Variants in ARHGAP15 observed in about 807,000 individuals in gnomAD.
The protein encoded by ARHGAP15 is rho GTPase-activating protein 15.
Under a neutral mutation model 63.7 loss-of-function variants are expected in ARHGAP15, and 51 were observed. That is an observed-to-expected ratio of 0.80 (90% CI 0.64 to 1.01). ARHGAP15 has a LOEUF of 1.01. Among genes scored for constraint, ARHGAP15 ranks in the 50% least tolerant of loss-of-function variants. The pLI is 0.00. For missense variants in ARHGAP15, 560 were observed against 564.6 expected, an observed-to-expected ratio of 0.99 and a Z score of 0.08; for synonymous variants, 191 against 193.8, an observed-to-expected ratio of 0.99 and a Z score of 0.12.
chr2:143,459,688 A>C (rs1690833601), intron 8 of ARHGAP15, among the ~76,000 whole-genome samples: 1 of 152,220 alleles, frequency 6.6e-6, no homozygotes, highest in Non-Finnish European at 1.5e-5. Flanking sequence ...AGTTCTTAAA[A>C]TCCATTCAAA....
intron 13 of ARHGAP15, among the ~76,000 whole-genome samples, chr2:143,747,422 T>C (rs1686211992): frequency 6.6e-6 from 1 of 152,208 alleles, no homozygotes; most frequent in Non-Finnish European, 1.5e-5. Context: ...CTTCACTCTT[T>C]ACACTGTACA....
At chr2:143,441,600 C>G (rs1177845471) in intron 8 of ARHGAP15, among the ~76,000 whole-genome samples, 3 of 152,106 alleles carry the variant, frequency 2.0e-5, no homozygotes, top group Admixed American at 2.0e-4. Flanking sequence ...TAAAAAATAA[C>G]TTTTGTATGT....
intron 1 of ARHGAP15, among the ~76,000 whole-genome samples, chr2:143,147,206 AG>A (rs1689626922): frequency 6.6e-6 from 1 of 152,068 alleles, no homozygotes; most frequent in Non-Finnish European, 1.5e-5. Context: ...TGTCCCAGTG[AG>A]GGTCTGAGAC....
At chr2:143,720,311 A>C (rs1291152822) in intron 13 of ARHGAP15, among the ~76,000 whole-genome samples, 1 of 152,208 alleles carries the variant, frequency 6.6e-6, no homozygotes, top group Non-Finnish European at 1.5e-5. Context: ...AGGTAGGCTG[A>C]ATGTAATTAC....
At chr2:143,187,829 C>T (rs1691509123) in intron 2 of ARHGAP15, among the ~76,000 whole-genome samples, 1 of 152,064 alleles carries the variant, frequency 6.6e-6, no homozygotes, top group Non-Finnish European at 1.5e-5. Context: ...GGGAGAATAG[C>T]CTGGTCCCTT....
intron 6 of ARHGAP15, among the ~76,000 whole-genome samples, chr2:143,408,887 A>G (rs1688325909): frequency 6.6e-6 from 1 of 151,924 alleles, no homozygotes; most frequent in African/African-American, 2.4e-5. Flanking sequence ...GATAGCTTAA[A>G]TTAATTCCCT....
chr2:143,165,092 G>A (rs1476702488), intron 2 of ARHGAP15, among the ~76,000 whole-genome samples: 2 of 151,960 alleles, frequency 1.3e-5, no homozygotes, highest in Non-Finnish European at 2.9e-5. Context: ...CCCTTACGAG[G>A]TGATTTCAAT....
chr2:143,626,164 CA>C (rs1267175492), intron 12 of ARHGAP15, among the ~76,000 whole-genome samples: 31 of 152,200 alleles, frequency 2.0e-4, no homozygotes, highest in African/African-American at 7.2e-4. Flanking sequence ...ATGGCTCTTG[CA>C]AGGGTTTCTG....
At chr2:143,354,613 C>T (rs1366961408) in intron 6 of ARHGAP15, among the ~76,000 whole-genome samples, 1 of 152,032 alleles carries the variant, frequency 6.6e-6, no homozygotes, top group East Asian at 1.9e-4. Context: ...TTAAGAAAAG[C>T]ATTTTAGCTC....
At chr2:143,286,781 G>A (rs922477219) in intron 6 of ARHGAP15, among the ~76,000 whole-genome samples, 2 of 152,094 alleles carry the variant, frequency 1.3e-5, no homozygotes, top group African/African-American at 4.8e-5. Flanking sequence ...TGCATAATTA[G>A]GCAATTTCTT....
chr2:143,538,561 C>G (rs1411855507), intron 10 of ARHGAP15, among the ~76,000 whole-genome samples: 1 of 152,112 alleles, frequency 6.6e-6, no homozygotes, highest in Non-Finnish European at 1.5e-5. Context: ...CCCATCAATA[C>G]CTAATTTATT....
chr2:143,267,782 G>A (rs527317175), intron 6 of ARHGAP15, among the ~76,000 whole-genome samples: 1 of 152,254 alleles, frequency 6.6e-6, no homozygotes, highest in South Asian at 2.1e-4. Context: ...ATGCTCTGCT[G>A]AGAAGATATG....
At chr2:143,596,715 A>C (rs1697531328) in intron 11 of ARHGAP15, among the ~76,000 whole-genome samples, 2 of 152,150 alleles carry the variant, frequency 1.3e-5, no homozygotes, top group Non-Finnish European at 2.9e-5. Flanking sequence ...TCAGTGCTTT[A>C]GAATAGTCTA....
intron 8 of ARHGAP15, among the ~76,000 whole-genome samples, chr2:143,440,889 G>T (rs1574454407): frequency 6.6e-6 from 1 of 152,124 alleles, no homozygotes; most frequent in Non-Finnish European, 1.5e-5. Flanking sequence ...TCTGAGGAAA[G>T]AGAATTGTCT....
chr2:143,705,256 A>C (rs895111832), intron 13 of ARHGAP15, among the ~76,000 whole-genome samples: 1 of 152,154 alleles, frequency 6.6e-6, no homozygotes, highest in Non-Finnish European at 1.5e-5. Context: ...ACTTTATCTT[A>C]AAGTTCAGAA....
chr2:143,198,706 G>A (rs1463947156), intron 2 of ARHGAP15, among the ~76,000 whole-genome samples: 2 of 152,084 alleles, frequency 1.3e-5, no homozygotes, highest in African/African-American at 2.4e-5. Context: ...GGGTCTGTAT[G>A]CCCATAAGAA....
At chr2:143,360,704 G>A (rs1686010716) in intron 6 of ARHGAP15, among the ~76,000 whole-genome samples, 1 of 152,018 alleles carries the variant, frequency 6.6e-6, no homozygotes, top group South Asian at 2.1e-4. Flanking sequence ...ATGATTTCTA[G>A]CATTTTGATT....
chr2:143,271,684 G>T (rs1487305803), intron 6 of ARHGAP15, among the ~76,000 whole-genome samples: 1 of 152,212 alleles, frequency 6.6e-6, no homozygotes, highest in Admixed American at 6.5e-5. Context: ...CACCATGTTA[G>T]TCGGGATAGT....
chr2:143,389,165 T>C (rs1447010296), intron 6 of ARHGAP15, among the ~76,000 whole-genome samples: 1 of 151,294 alleles, frequency 6.6e-6, no homozygotes, highest in Non-Finnish European at 1.5e-5. Flanking sequence ...ACAAATTGTA[T>C]TTAGTATGTG....
Sources: allele counts gnomAD v4.1 joint callset (sites outside exome capture counted in the v4.1 genomes callset), GRCh38; gene constraint gnomAD v4.1.1; transcripts MANE v1.5; gene names NCBI Gene and HGNC (gene_info 2026-07-23, HGNC 2026-07-21).